FAN1: variants seen among roughly 807,000 people sequenced by gnomAD.
FAN1 encodes FANCD2 and FANCI associated nuclease 1.
A neutral mutation model predicts 104.9 loss-of-function variants in FAN1; 91 were observed. The ratio of observed to expected loss-of-function variants is 0.87; its 90% CI spans 0.73 to 1.03. The LOEUF (loss-of-function observed/expected upper bound fraction) is 1.03, where lower values mean the gene tolerates loss of function less well. FAN1 is among the 50% of genes least tolerant of loss of function. The pLI, the probability that FAN1 is intolerant of heterozygous loss-of-function variation, is 0.00. For synonymous variants in FAN1, 478 were observed against 457.6 expected, an observed-to-expected ratio of 1.04 and a Z score of -0.57; for missense variants, 1,263 against 1,239.9, an observed-to-expected ratio of 1.02 and a Z score of -0.28.
chr15:30,927,421 C>T (rs2062492609), intron 10 of FAN1: 27 of 985,506 alleles, frequency 2.7e-5, no homozygotes, highest in Non-Finnish European at 3.1e-5. Context: ...CCTTTTGAAT[C>T]CCTGAGACGG....
At chr15:30,939,791 T>C (rs2062977780) in intron 14 of FAN1, 1 of 985,318 alleles carries the variant, frequency 1.0e-6, no homozygotes, top group African/African-American at 1.7e-5. Flanking sequence ...GCTGTGGTGT[T>C]ATAAGGAGAT....
chr15:30,908,018 T>A, intron 2 of FAN1, 100 bp from the exon 3 acceptor site: 1 of 947,250 alleles, frequency 1.1e-6, no homozygotes, highest in Non-Finnish European at 1.5e-6. Context: ...GCCTTATACA[T>A]ACAGTAAGCA....
intron 12 of FAN1, 84 bp from the exon 13 acceptor site, chr15:30,930,459 T>C (rs1306281085): frequency 6.7e-7 from 1 of 1,491,938 alleles, no homozygotes; most frequent in Non-Finnish European, 8.9e-7. Flanking sequence ...TACACTGAGC[T>C]TTTCTCCGTC....
At chr15:30,913,638 T>C (rs896623214) in intron 4 of FAN1, among the ~76,000 whole-genome samples, 2 of 152,222 alleles carry the variant, frequency 1.3e-5, no homozygotes, top group Non-Finnish European at 2.9e-5. Context: ...AGGAAGCACT[T>C]GTATGGAGCC....
chr15:30,934,902 AACATATTATTTT>A (rs1446632877), intron 13 of FAN1, among the ~76,000 whole-genome samples: 3 of 152,280 alleles, frequency 2.0e-5, no homozygotes, highest in African/African-American at 7.2e-5. Flanking sequence ...TATGTTCTAT[AACATATTATTTT>A]TGCTTTCTAC....
intron 6 of FAN1, 62 bp downstream of exon 6, chr15:30,918,357 AC>A: frequency 1.3e-6 from 2 of 1,540,298 alleles, no homozygotes; most frequent in Admixed American, 3.4e-5. Flanking sequence ...CCCAACACTT[AC>A]AGTAATTTTC....
rs769354140 is a variant in FAN1 at position 30,918,164 on chromosome 15, A to G, written c.1812A>G (p.Arg604=). ...HIFQDRDDLI[R]YAAATHMLSD... ...GAACTTGGATGGCATTTTCCTCCAG[A>G]TATGCAGCAGCCACGCACATGCTGA... is the stretch of plus-strand genomic sequence containing the variant. The change falls in exon 6 of 15, where the codon AGA becomes AGG. Residue 604 remains arginine, a splice_region_variant and synonymous_variant. Transcript: ENST00000362065. 1.2e-6 allele frequency: 2 copies of G among 1,613,950 alleles called. No individual in the cohort carries two copies. Among genetic ancestry groups the G allele is most frequent in the Admixed American group, 1.7e-5 (1 of 60,020 alleles).
chr15:30,926,309 C>T (rs1394899521), intron 10 of FAN1, among the ~76,000 whole-genome samples: 3 of 152,154 alleles, frequency 2.0e-5, no homozygotes, highest in Non-Finnish European at 4.4e-5. Flanking sequence ...AGAAGCTGGC[C>T]CCAGATATCC....
intron 7 of FAN1, among the ~76,000 whole-genome samples, chr15:30,921,984 C>T (rs1031139631): frequency 3.3e-5 from 5 of 152,200 alleles, no homozygotes; most frequent in African/African-American, 1.2e-4. Flanking sequence ...CTCTGCAGCA[C>T]TCACAGATGT....
intron 2 of FAN1, chr15:30,906,264 A>G (rs541729585): frequency 4.2e-4 from 190 of 453,112 alleles, no homozygotes; most frequent in Admixed American, 8.1e-4. Context: ...CAGGCTTTCC[A>G]TTAGGTTGTT....
At chr15:30,904,458 C>A in intron 1 of FAN1, 54 bp from the exon 2 acceptor site, 1 of 666,586 alleles carries the variant, frequency 1.5e-6, no homozygotes. Context: ...GTTCGCTTTT[C>A]CCCTTGCTGA....
chr15:30,919,692 G>GAA (rs57795513), intron 6 of FAN1, among the ~76,000 whole-genome samples: 1,947 of 129,338 alleles, frequency 0.015, 48 homozygotes, highest in African/African-American at 0.052. Flanking sequence ...CTGTCTCGGG[G>GAA]AAAAAAAAAA....
intron 14 of FAN1, chr15:30,939,459 C>G: frequency 2.0e-6 from 2 of 985,436 alleles, no homozygotes; most frequent in Non-Finnish European, 2.4e-6. Context: ...CGACTGAAGG[C>G]TGTCATAGTT....
At chr15:30,925,087 T>A in intron 8 of FAN1, 40 bp from the exon 9 acceptor site, 1 of 1,557,860 alleles carries the variant, frequency 6.4e-7, no homozygotes. Context: ...CCGCCATGGG[T>A]TTTTTTAGGA....
chr15:30,921,029 C>T (rs1203247889), intron 7 of FAN1, among the ~76,000 whole-genome samples: 1 of 152,176 alleles, frequency 6.6e-6, no homozygotes, highest in Non-Finnish European at 1.5e-5. Context: ...AGTGATTTGC[C>T]CACCTTGGCC....
At chr15:30,929,650 A>C (rs1215721051) in intron 12 of FAN1, among the ~76,000 whole-genome samples, 6 of 108,902 alleles carry the variant, frequency 5.5e-5, no homozygotes, top group Admixed American at 1.1e-4. Context: ...TACAATATAT[A>C]ATATAATATA....
chr15:30,904,941 C>G lies in FAN1; in HGVS notation c.278C>G (p.Thr93Ser). 2 of 1,613,982 alleles carry G rather than the reference C, an allele frequency of 1.2e-6. No homozygotes were observed. Among genetic ancestry groups the G allele is most frequent in the Non-Finnish European group, 1.7e-6 (2 of 1,180,012 alleles). Residue 93 changes from threonine to serine, a missense_variant, in exon 2 of 15, where the codon ACC (threonine) becomes AGC (serine). This residue lies in a region of FAN1 where 682 missense variants were observed against 571.1 expected (regional missense o/e 1.19). Transcript: ENST00000362065. ...NVSMVDLTSVTLEDVTPKKSP... is the reference protein window; with the variant it reads ...NVSMVDLTSVSLEDVTPKKSP... ...TCTATGGTAGATTTAACCAGTGTTA[C>G]CTTAGAAGATGTAACACCTAAGAAG...
intron 13 of FAN1, among the ~76,000 whole-genome samples, chr15:30,936,479 CT>C (rs1477982165): frequency 1.2e-4 from 19 of 152,190 alleles, no homozygotes; most frequent in Non-Finnish European, 2.2e-4. Context: ...CCAGTGCATG[CT>C]TTAAAACAAT....
At chr15:30,940,515 G>C (rs1178421416) in intron 14 of FAN1, 5 of 985,356 alleles carry the variant, frequency 5.1e-6, no homozygotes, top group South Asian at 4.7e-5. Context: ...GGAAGTGCCA[G>C]CAATAGTTTA....
Sources: gnomAD v4.1 joint callset for allele counts (sites outside exome capture counted in the v4.1 genomes callset) on GRCh38, gnomAD v4.1.1 for gene constraint, gnomAD v4.1.1 regional missense constraint, MANE v1.5 for transcripts, NCBI Gene and HGNC (gene_info 2026-07-23, HGNC 2026-07-21) for gene names.